The following ATP2B2 variants were observed in gnomAD, a reference collection of about 807,000 sequenced individuals.
The protein encoded by ATP2B2 is plasma membrane calcium-transporting ATPase 2.
A neutral mutation model predicts 120.0 loss-of-function variants in ATP2B2; 15 were observed. The ratio of observed to expected loss-of-function variants is 0.12; its 90% CI spans 0.08 to 0.19. The LOEUF (loss-of-function observed/expected upper bound fraction) is 0.19. Among genes scored for constraint, ATP2B2 ranks in the 10% least tolerant of loss-of-function variants. ATP2B2 has a pLI of 1.00. For missense variants in ATP2B2, 1,045 were observed against 1,719.8 expected (o/e 0.61, Z 6.94); for synonymous variants, 694 against 700.3 (o/e 0.99, Z 0.14).
At chr3:10,436,909 ATT>A (rs56063320) in intron 2 of ATP2B2, among the ~76,000 whole-genome samples, 25,180 of 152,134 alleles carry the variant, frequency 0.17, 2,256 homozygotes, top group Admixed American at 0.23. Flanking sequence ...AGGTGTTGCC[ATT>A]GTCAGGACAT....
chr3:10,613,975 C>T (rs2069311846), intron 2 of ATP2B2, among the ~76,000 whole-genome samples: 1 of 152,084 alleles, frequency 6.6e-6, no homozygotes, highest in African/African-American at 2.4e-5. Flanking sequence ...TTGCTTGTCC[C>T]TTTCCCTGGA....
At chr3:10,385,198 G>A in intron 8 of ATP2B2, 70 bp downstream of exon 8, 16 of 1,485,296 alleles carry the variant, frequency 1.1e-5, no homozygotes, top group Non-Finnish European at 1.4e-5. Context: ...AGGAAAGAAA[G>A]CCCAAAGTTG....
chr3:10,455,197 G>C (rs545921893), intron 1 of ATP2B2, among the ~76,000 whole-genome samples: 1 of 152,136 alleles, frequency 6.6e-6, no homozygotes, highest in Admixed American at 6.6e-5. Flanking sequence ...AGAGTTTTCT[G>C]GGGGGTCAGG....
chr3:10,531,499 G>C (rs2067209414), intron 3 of ATP2B2, among the ~76,000 whole-genome samples: 1 of 152,204 alleles, frequency 6.6e-6, no homozygotes, highest in South Asian at 2.1e-4. Flanking sequence ...CTGTCTTATG[G>C]GGCTGTTGTG....
chr3:10,557,871 C>G (rs2067815287), intron 2 of ATP2B2, among the ~76,000 whole-genome samples: 1 of 152,092 alleles, frequency 6.6e-6, no homozygotes, highest in Non-Finnish European at 1.5e-5. Context: ...AAGGACCAAG[C>G]TTATAGGGGA....
intron 1 of ATP2B2, among the ~76,000 whole-genome samples, chr3:10,696,236 T>G (rs940493815): frequency 2.0e-5 from 3 of 152,226 alleles, no homozygotes; most frequent in East Asian, 1.9e-4. Context: ...TAAAACCTTG[T>G]GCCCAAAAAT....
chr3:10,400,907 C>T (rs2062197743), intron 5 of ATP2B2, 46 bp downstream of exon 5: 1 of 1,612,320 alleles, frequency 6.2e-7, no homozygotes, highest in Admixed American at 1.7e-5. Context: ...CAGGCATCCC[C>T]TGTGCATGGC....
intron 1 of ATP2B2, among the ~76,000 whole-genome samples, chr3:10,637,255 C>A (rs1367511072): frequency 6.8e-6 from 1 of 146,148 alleles, no homozygotes; most frequent in East Asian, 2.0e-4. Flanking sequence ...AGGTAAAATT[C>A]ACAGTGTCTG....
At chr3:10,653,251 C>T (rs1392677257) in intron 1 of ATP2B2, among the ~76,000 whole-genome samples, 2 of 152,048 alleles carry the variant, frequency 1.3e-5, no homozygotes, top group Admixed American at 6.5e-5. Context: ...CCACCAATGA[C>T]CCCCCTTTGC....
intron 2 of ATP2B2, among the ~76,000 whole-genome samples, chr3:10,612,866 T>C (rs1231376656): frequency 1.3e-5 from 2 of 152,224 alleles, no homozygotes; most frequent in Admixed American, 6.5e-5. Flanking sequence ...CCCTGGTTCC[T>C]GGAAGGCAAA....
At chr3:10,377,869 A>G (rs1470617617) in intron 10 of ATP2B2, among the ~76,000 whole-genome samples, 1 of 152,240 alleles carries the variant, frequency 6.6e-6, no homozygotes, top group Non-Finnish European at 1.5e-5. Context: ...AATGCTTTGT[A>G]TGCAGAGTCT....
chr3:10,388,534 A>T, intron 5 of ATP2B2, 132 bp from the exon 6 acceptor site: 1 of 1,332,528 alleles, frequency 7.5e-7, no homozygotes, highest in Non-Finnish European at 1.1e-6. Context: ...CCTATGGTTA[A>T]GATTCACACT....
intron 5 of ATP2B2, chr3:10,394,362 A>G (rs1171947520): frequency 4.4e-6 from 2 of 459,538 alleles, no homozygotes; most frequent in East Asian, 7.0e-5. Context: ...CCCCCTCACA[A>G]CAGCCCCCTG....
chr3:10,340,838 G>C lies in ATP2B2; in HGVS notation c.2918-134C>G, dbSNP rs191631300. ...AGACATCAAGGCATGCTTGGACAGT[G>C]GGGGGCCAGGGCTGTGCTGTCAGCT... On this transcript the variant is annotated intron_variant, in intron 19 of 22. Transcript: ENST00000360273. This position sits in a 1 kb window ranked among gnomAD's most constrained non-coding sequence, Gnocchi z 5.0. 1.1e-6 allele frequency: 1 copy of C among 875,590 alleles called. No individual in the cohort carries two copies. The highest frequency in any genetic ancestry group is 1.7e-5 in the African/African-American group (1 of 60,196). 54.2% of individuals were successfully genotyped at this position (875,590 alleles called of 1,614,324 possible).
intron 2 of ATP2B2, among the ~76,000 whole-genome samples, chr3:10,432,639 C>T (rs977245368): frequency 2.6e-5 from 4 of 152,270 alleles, no homozygotes; most frequent in Admixed American, 6.5e-5. Context: ...GGCGGCTTCA[C>T]GCCAGAAGCG....
chr3:10,357,583 C>G (rs1302307995), intron 14 of ATP2B2, among the ~76,000 whole-genome samples: 3 of 152,180 alleles, frequency 2.0e-5, no homozygotes, highest in African/African-American at 7.2e-5. Flanking sequence ...CCCCAGAGAA[C>G]AGTGTCAGGG....
chr3:10,613,238 G>C (rs2069289813), intron 2 of ATP2B2, among the ~76,000 whole-genome samples: 1 of 152,090 alleles, frequency 6.6e-6, no homozygotes, highest in Non-Finnish European at 1.5e-5. Context: ...CTGTGTTCAG[G>C]GCCCTTCCAG....
At chr3:10,462,542 T>C (rs1171913403) in intron 1 of ATP2B2, among the ~76,000 whole-genome samples, 1 of 152,214 alleles carries the variant, frequency 6.6e-6, no homozygotes, top group Non-Finnish European at 1.5e-5. Flanking sequence ...TGTGTGAGGC[T>C]CTGCTCATAC....
In ATP2B2 at chr3:10,347,240, C is replaced by G. The variant is rs1190243374; in HGVS notation, c.2405-1103G>C. On this transcript the variant is annotated intron_variant, in intron 16 of 22. Coordinates refer to ENST00000360273, the MANE Select transcript of ATP2B2 (RefSeq NM_001001331.4). The surrounding 1 kb of genome is among the most constrained non-coding windows in gnomAD (Gnocchi z 5.2). ...TACGGTCCCACAGAGCTAGCTCTCA[C>G]TGGCCCTGTGTCTGGGCAGGCTGTT... Among the ~76,000 whole-genome samples the G allele has an allele frequency of 6.6e-6, 1 of 152,246 alleles. No homozygotes were observed. Among genetic ancestry groups the G allele is most frequent in the Non-Finnish European group, 1.5e-5 (1 of 68,044 alleles).
Sources: allele counts gnomAD v4.1 joint callset (sites outside exome capture counted in the v4.1 genomes callset), GRCh38; gene constraint gnomAD v4.1.1; non-coding constraint Gnocchi (gnomAD v3.1); transcripts MANE v1.5; gene names NCBI Gene and HGNC (gene_info 2026-07-23, HGNC 2026-07-21).